The following NLRP4 variants were observed in gnomAD, a reference collection of about 807,000 sequenced individuals.
NLRP4 encodes the protein NLR family pyrin domain containing 4, also known as NACHT, LRR and PYD domains-containing protein 4.
NLRP4 carries 44 observed loss-of-function variants against 84.7 expected under a neutral mutation model. The ratio of observed to expected loss-of-function variants is 0.52; its 90% CI spans 0.41 to 0.67. The LOEUF is 0.67. Ranked by LOEUF, NLRP4 falls within the 30% of genes least tolerant of loss-of-function variation. The pLI, the probability that NLRP4 is intolerant of heterozygous loss-of-function variation, is 0.00. For missense variants in NLRP4, 1,260 were observed against 1,219.4 expected (o/e 1.03, Z -0.50); for synonymous variants, 544 against 476.4 (o/e 1.14, Z -1.85).
chr19:55,850,132 TGGCTGCGGTGTAATTTCCGA>T (rs1568658624), intron 1 of NLRP4, among the ~76,000 whole-genome samples: 19 of 76,690 alleles, frequency 2.5e-4, no homozygotes, highest in East Asian at 1.0e-3. Flanking sequence ...GTAATTTCCG[TGGCTGCGGTGTAATTTCCGA>T]GGCTGCGGTG....
chr19:55,871,988 C>T (rs1426512194), intron 7 of NLRP4, among the ~76,000 whole-genome samples: 1 of 151,922 alleles, frequency 6.6e-6, no homozygotes, highest in Non-Finnish European at 1.5e-5. Flanking sequence ...GCTGGGACTA[C>T]AGGTGCCCGC....
chr19:55,854,643 T>C lies in NLRP4; in HGVS notation c.280+2283T>C, dbSNP rs147708795. The stretch of plus-strand genomic sequence containing the variant: ...GTTTGAAATAAAATAATTTGAGAGT[T>C]TCCATTTTTGGCGATGCTAGCCTTT... On this transcript the variant is annotated intron_variant, in intron 2 of 9. Transcript: ENST00000301295. Among the ~76,000 whole-genome samples the C allele has an allele frequency of 5.5e-3, 843 of 152,278 alleles. 7 individuals are homozygous for C. Among genetic ancestry groups the C allele is most frequent in the African/African-American group, 0.019 (810 of 41,562 alleles).
Position 55,857,866 on chromosome 19 carries a change from G to A in NLRP4, c.473G>A (p.Gly158Glu), listed in dbSNP as rs751547186. Reference sequence around the variant, plus strand: ...ACAGTGATCATTCAAGGACCACAAGGAATTGGAAAAACGACACTCCTGATG... The same window carrying A: ...ACAGTGATCATTCAAGGACCACAAGAAATTGGAAAAACGACACTCCTGATG... ...PRTVIIQGPQ[G>E]IGKTTLLMKL... The change falls in exon 3 of 10, where the codon GGA becomes GAA. Residue 158 changes from glycine to glutamate, a missense_variant. Gly to Glu is a moderately conservative substitution (Grantham distance 98, BLOSUM62 -2). Around this residue, in one of 3 missense-constraint regions of NLRP4, gnomAD observed 712 missense variants for 669.2 expected, o/e 1.06. Transcript: ENST00000301295. 1.2e-5 allele frequency: 19 copies of A among 1,613,900 alleles called. No individual in the cohort carries two copies. Among genetic ancestry groups the A allele is most frequent in the Non-Finnish European group, 1.2e-5 (14 of 1,179,920 alleles).
At chr19:55,843,001 C>T (rs531849570) in intron 1 of NLRP4, among the ~76,000 whole-genome samples, 6 of 151,152 alleles carry the variant, frequency 4.0e-5, no homozygotes, top group South Asian at 2.1e-4. Context: ...CCTCGTGATC[C>T]GCCCACCTCG....
chr19:55,843,105 C>T (rs2122995815), intron 1 of NLRP4, among the ~76,000 whole-genome samples: 1 of 152,272 alleles, frequency 6.6e-6, no homozygotes, highest in East Asian at 1.9e-4. Flanking sequence ...GAGTCAGCAG[C>T]TATTTGTTTT....
At chr19:55,851,677 TGCG>T (rs1984157410) in intron 1 of NLRP4, among the ~76,000 whole-genome samples, 1 of 148,992 alleles carries the variant, frequency 6.7e-6, no homozygotes, top group East Asian at 2.1e-4. Flanking sequence ...TGTCCGAGGC[TGCG>T]GTGTAATGTC....
At chr19:55,868,591 C>G (rs1985054715) in intron 6 of NLRP4, among the ~76,000 whole-genome samples, 1 of 151,452 alleles carries the variant, frequency 6.6e-6, no homozygotes, top group Non-Finnish European at 1.5e-5. Context: ...CAACCTCTGC[C>G]TCCTGGGTTC....
At position 55,867,676 on chromosome 19, in the gene NLRP4, C is replaced by T. The variant is rs576588726; in HGVS notation, c.2187-33C>T. 3.8e-6 allele frequency: 6 copies of T among 1,595,528 alleles called. No individual in the cohort carries two copies. The South Asian group carries it at 6.8e-5, about 18-fold the overall frequency. On this transcript the variant is annotated intron_variant, in intron 5 of 9. Transcript: ENST00000301295. ...GAGGAATGAGTCCAGGAACTAGAAACCAACAGAATGTGACATTTTCCCTTT... is the reference window on the plus strand; with the variant it reads ...GAGGAATGAGTCCAGGAACTAGAAATCAACAGAATGTGACATTTTCCCTTT...
rs369412544 is a variant in NLRP4, at chr19:55,858,326, C to A, written c.933C>A (p.Phe311Leu). 12 of 1,614,032 alleles carry A rather than the reference C, an allele frequency of 7.4e-6. No homozygotes were observed. In the African/African-American group the frequency reaches 1.6e-4, roughly 22 times the overall value. Residue 311 changes from phenylalanine (F) to leucine (L), a missense_variant, in exon 3 of 10, where the codon TTC (phenylalanine) becomes TTA (leucine). Physicochemically the swap from Phe to Leu is conservative, Grantham distance 22 (BLOSUM62 0). Transcript: ENST00000301295. This position sits in a 1 kb window ranked among gnomAD's most constrained non-coding sequence, Gnocchi z 4.2. The stretch of plus-strand genomic sequence containing the variant: ...ACGAGAGTGATAGGTTAGTGTATTT[C>A]TGCTGTTTCTTCAAAGACCCGAAAA... ...GFNESDRLVY[F>L]CCFFKDPKRA...
chr19:55,860,536 C>T (rs1042034909), intron 3 of NLRP4, among the ~76,000 whole-genome samples: 5 of 152,112 alleles, frequency 3.3e-5, no homozygotes, highest in East Asian at 1.9e-4. Context: ...GAGCCATGAT[C>T]GTGCCACTGT....
chr19:55,850,586 T>TG (rs1218614922), intron 1 of NLRP4, among the ~76,000 whole-genome samples: 3 of 92,328 alleles, frequency 3.2e-5, no homozygotes, highest in East Asian at 2.8e-4. Context: ...TGCGGTGTAA[T>TG]TTCCGTGGCT....
At chr19:55,865,686 G>A (rs952968133) in intron 5 of NLRP4, among the ~76,000 whole-genome samples, 1 of 152,028 alleles carries the variant, frequency 6.6e-6, no homozygotes, top group African/African-American at 2.4e-5. Flanking sequence ...GTATCTCATT[G>A]CAGTTTTGAT....
chr19:55,858,944 G>A lies in NLRP4; in HGVS notation c.1551G>A (p.Ala517=), dbSNP rs745407175. ...AAAAGGAACAAGAAAAACTGGATGC[G>A]TTTTTTGGCTTCCAACTGTCCCAAG... The part of the protein sequence containing the change: ...LNKKEQEKLD[A]FFGFQLSQEI... The change falls in exon 3 of 10, where the codon GCG becomes GCA. Residue 517 remains alanine (A), a synonymous_variant. Coordinates refer to ENST00000301295, the MANE Select transcript of NLRP4 (RefSeq NM_134444.5). This position sits in a 1 kb window ranked among gnomAD's most constrained non-coding sequence, Gnocchi z 4.2. The A allele has an allele frequency of 2.0e-5, 33 of 1,613,928 alleles. No individual in the cohort carries two copies. The highest frequency in any genetic ancestry group is 3.3e-4 in the Middle Eastern group (2 of 6,084).
At chr19:55,866,098 A>G (rs948798709) in intron 5 of NLRP4, among the ~76,000 whole-genome samples, 1 of 152,076 alleles carries the variant, frequency 6.6e-6, no homozygotes, top group African/African-American at 2.4e-5. Context: ...CAGTGGTACA[A>G]TCTCAGTTCA....
At chr19:55,851,290 C>T (rs1600224463) in intron 1 of NLRP4, among the ~76,000 whole-genome samples, 3 of 48,788 alleles carry the variant, frequency 6.1e-5, no homozygotes, top group South Asian at 9.9e-4. Context: ...GTGTAATGTC[C>T]GTGGCTGCGG....
At position 55,858,959 on chromosome 19, in the gene NLRP4, A is replaced by C. The variant is rs775211855; in HGVS notation, c.1566A>C (p.Gln522His). The C allele has an allele frequency of 2.2e-5, 35 of 1,614,052 alleles. 1 individual carries two copies. In the South Asian group the frequency reaches 3.8e-4, roughly 18 times the overall value. Residue 522 changes from glutamine (Q) to histidine (H), a missense_variant, in exon 3 of 10, where the codon CAA becomes CAC. Physicochemically the swap from Gln to His is conservative, Grantham distance 24. Transcript: ENST00000301295. The surrounding 1 kb of genome is among the most constrained non-coding windows in gnomAD (Gnocchi z 4.2). ...QEKLDAFFGF[Q>H]LSQEIKQQIH... ...AACTGGATGCGTTTTTTGGCTTCCAACTGTCCCAAGAGATAAAGCAGCAAA... is the reference window on the plus strand; with the variant it reads ...AACTGGATGCGTTTTTTGGCTTCCACCTGTCCCAAGAGATAAAGCAGCAAA...
At chr19:55,880,065 A>G (rs947983853) in intron 9 of NLRP4, among the ~76,000 whole-genome samples, 17 of 152,158 alleles carry the variant, frequency 1.1e-4, no homozygotes, top group African/African-American at 3.1e-4. Flanking sequence ...TCAAACCAAT[A>G]TGAGATGAAG....
Position 55,881,611 on chromosome 19 carries a change from T to A in NLRP4, c.*24T>A. ...GATTGCGAGGAACCTGGGCTCTGAC[T>A]CGAACACCTGCAAAGGACAGGGACT... On this transcript the variant is annotated 3_prime_UTR_variant, in exon 10 of 10. Transcript: ENST00000301295. 1.8e-6 allele frequency: 2 copies of A among 1,137,624 alleles called. No homozygotes were observed. Among genetic ancestry groups the A allele is most frequent in the Non-Finnish European group, 2.7e-6 (2 of 751,874 alleles). The allele number at this position is 1,137,624 out of a possible 1,614,324, so 70.5% of individuals were successfully genotyped here.
At chr19:55,872,532 T>G (rs1270218962) in intron 7 of NLRP4, among the ~76,000 whole-genome samples, 1 of 152,038 alleles carries the variant, frequency 6.6e-6, no homozygotes, top group African/African-American at 2.4e-5. Context: ...GGAGATGAAA[T>G]GAGCAAATAA....
Sources: allele counts gnomAD v4.1 joint callset (sites outside exome capture counted in the v4.1 genomes callset), GRCh38; gene constraint gnomAD v4.1.1; regional missense constraint gnomAD v4.1.1; non-coding constraint Gnocchi (gnomAD v3.1); transcripts MANE v1.5; gene names NCBI Gene and HGNC (gene_info 2026-07-23, HGNC 2026-07-21).